Variants in SASH1 observed in about 807,000 individuals in gnomAD.
SASH1 encodes the protein SAM and SH3 domain-containing protein 1.
SASH1 carries 44 observed loss-of-function variants against 125.2 expected under a neutral mutation model. That is an observed-to-expected ratio of 0.35 (90% CI 0.28 to 0.45). SASH1 has a LOEUF of 0.45. Ranked by LOEUF, SASH1 falls within the 20% of genes least tolerant of loss-of-function variation. The probability of loss-of-function intolerance (pLI) is 1.00; values close to 1 mark genes in which losing one functional copy is unlikely to be tolerated. For missense variants in SASH1, 1,426 were observed against 1,614.5 expected, an observed-to-expected ratio of 0.88 and a Z score of 2.00; for synonymous variants, 639 against 649.1, an observed-to-expected ratio of 0.98 and a Z score of 0.24.
At chr6:148,310,971 G>T (rs969432014) in intron 1 of SASH1, among the ~76,000 whole-genome samples, 5 of 152,054 alleles carry the variant, frequency 3.3e-5, no homozygotes, top group Admixed American at 2.6e-4. Context: ...TTGAGCTAGG[G>T]TCTCATTATG....
At chr6:148,239,100 A>G in the SASH1 span, among the ~76,000 whole-genome samples, 5 of 152,130 alleles carry the variant, frequency 3.3e-5, no homozygotes, top group Non-Finnish European at 7.3e-5. Flanking sequence ...ACGGGACCTC[A>G]TTTTGAGGGG....
At chr6:148,518,502 A>G (rs1216473962) in intron 9 of SASH1, among the ~76,000 whole-genome samples, 1 of 152,170 alleles carries the variant, frequency 6.6e-6, no homozygotes, top group Non-Finnish European at 1.5e-5. Context: ...TGAACTGAGC[A>G]TAGCTCCCCT....
chr6:148,242,228 G>C, the SASH1 span, among the ~76,000 whole-genome samples: 1 of 152,174 alleles, frequency 6.6e-6, no homozygotes, highest in Non-Finnish European at 1.5e-5. Context: ...TAAGTAACAA[G>C]CTAAAATAAA....
Position 148,495,264 on chromosome 6 carries a change from G to A in SASH1, c.729+7549G>A, listed in dbSNP as rs1013285506. 1.3e-5 allele frequency among the ~76,000 whole-genome samples: 2 copies of A among 152,088 alleles called. No individual in the cohort carries two copies. The highest frequency in any genetic ancestry group is 4.8e-5 in the African/African-American group (2 of 41,414). ...AGTGTAATCCCTTTTTATAGAATATGGCGGAAGAACAGTGCACACACTCAT... is the reference window on the plus strand; with the variant it reads ...AGTGTAATCCCTTTTTATAGAATATAGCGGAAGAACAGTGCACACACTCAT... On this transcript the variant is annotated intron_variant, in intron 8 of 19. Transcript: ENST00000367467. The surrounding 1 kb of genome is among the most constrained non-coding windows in gnomAD (Gnocchi z 4.0).
chr6:148,325,347 G>T (rs1053650210), intron 1 of SASH1, among the ~76,000 whole-genome samples: 5 of 151,968 alleles, frequency 3.3e-5, no homozygotes, highest in African/African-American at 1.2e-4. Flanking sequence ...CGCGATTTTG[G>T]CTCACTGCAA....
At chr6:148,497,395 A>G (rs1032889302) in intron 8 of SASH1, among the ~76,000 whole-genome samples, 2 of 152,244 alleles carry the variant, frequency 1.3e-5, no homozygotes, top group African/African-American at 4.8e-5. Flanking sequence ...AAGTTACACA[A>G]GAAGGAAGCT....
chr6:148,455,938 G>A (rs888607622), intron 4 of SASH1, among the ~76,000 whole-genome samples: 5 of 151,932 alleles, frequency 3.3e-5, no homozygotes, highest in African/African-American at 1.2e-4. Flanking sequence ...GCTTCCCCTG[G>A]ACTCCCCTGC....
At position 148,531,571 on chromosome 6, in the gene SASH1, C is replaced by T. The variant is rs747859586; in HGVS notation, c.1474C>T (p.Pro492Ser). 1.9e-6 allele frequency: 3 copies of T among 1,569,764 alleles called. No homozygotes were observed. Among genetic ancestry groups the T allele is most frequent in the East Asian group, 4.8e-5 (2 of 41,450 alleles). The change falls in exon 13 of 20, where the codon CCC becomes TCC. Residue 492 changes from proline (P) to serine (S), a missense_variant. Physicochemically the swap from Pro to Ser is moderately conservative, Grantham distance 74 (BLOSUM62 -1). This residue lies in a region of SASH1 where 225 missense variants were observed against 344.5 expected (regional missense o/e 0.65). Coordinates refer to ENST00000367467, the MANE Select transcript of SASH1 (RefSeq NM_015278.5). ...GMPGSPPPSQ[P>S]DPEHLDKPKL... ...GCCTGGCTCCCCTCCGCCTTCACAG[C>T]CCGACCCCGAACACTTGGACAAGCC...
chr6:148,216,414 A>G, the SASH1 span, among the ~76,000 whole-genome samples: 5 of 152,204 alleles, frequency 3.3e-5, no homozygotes, highest in African/African-American at 1.2e-4. Context: ...GTAACTTTTT[A>G]TTATGATAAG....
At chr6:148,198,103 G>T in the SASH1 span, among the ~76,000 whole-genome samples, 1 of 152,182 alleles carries the variant, frequency 6.6e-6, no homozygotes, top group Non-Finnish European at 1.5e-5. Flanking sequence ...GCCCACCTCA[G>T]CCTCCCAAAG....
Position 148,487,660 on chromosome 6 carries a change from C to G in SASH1, c.674C>G (p.Pro225Arg), listed in dbSNP as rs1404722187. The change falls in exon 8 of 20, where the codon CCT (proline) becomes CGT (arginine). Residue 225 changes from proline to arginine, a missense_variant. Coordinates refer to ENST00000367467, the MANE Select transcript of SASH1 (RefSeq NM_015278.5). Reference protein sequence around the residue: ...AQHRQSAALDPADWPDGSYPT... With the variant: ...AQHRQSAALDRADWPDGSYPT... ...CACCGGCAGTCGGCTGCCCTGGACCCTGCTGACTGGCCAGATGGTTCTTAC... is the reference window on the plus strand; with the variant it reads ...CACCGGCAGTCGGCTGCCCTGGACCGTGCTGACTGGCCAGATGGTTCTTAC... The G allele has an allele frequency of 6.2e-7, 1 of 1,613,784 alleles. No individual in the cohort carries two copies. The highest frequency in any genetic ancestry group is 1.3e-5 in the African/African-American group (1 of 74,910).
intron 1 of SASH1, among the ~76,000 whole-genome samples, chr6:148,319,119 G>A (rs1436060665): frequency 2.4e-5 from 3 of 124,716 alleles, no homozygotes; most frequent in Admixed American, 1.0e-4. Flanking sequence ...TGCAAGCTCC[G>A]CCTCCCGAGT....
At chr6:148,298,711 AAGAAGGAAGGG>A (rs1779840576) in intron 1 of SASH1, among the ~76,000 whole-genome samples, 1 of 71,484 alleles carries the variant, frequency 1.4e-5, no homozygotes, top group African/African-American at 5.4e-5. Flanking sequence ...GGAAGGAAGG[AAGAAGGAAGGG>A]AAAGGAGGGA....
intron 1 of SASH1, among the ~76,000 whole-genome samples, chr6:148,378,353 C>A (rs1440175919): frequency 6.7e-6 from 1 of 148,318 alleles, no homozygotes; most frequent in East Asian, 2.0e-4. Context: ...TGAGCCCGGC[C>A]ACAATTTTTT....
chr6:148,438,010 T>A (rs2114996418), intron 2 of SASH1, among the ~76,000 whole-genome samples: 1 of 152,278 alleles, frequency 6.6e-6, no homozygotes, highest in Non-Finnish European at 1.5e-5. Flanking sequence ...ACTATTATGA[T>A]TACTAGTGAG....
At chr6:148,496,898 T>G (rs774945919) in intron 8 of SASH1, among the ~76,000 whole-genome samples, 5 of 151,852 alleles carry the variant, frequency 3.3e-5, no homozygotes, top group Non-Finnish European at 7.4e-5. Context: ...AAAAAGTAAA[T>G]TTTTTAAAAA....
At chr6:148,509,501 G>A (rs1283564464) in intron 8 of SASH1, among the ~76,000 whole-genome samples, 1 of 152,228 alleles carries the variant, frequency 6.6e-6, no homozygotes, top group Non-Finnish European at 1.5e-5. Flanking sequence ...TGCTTCTGCA[G>A]AGGGCACAGT....
chr6:148,219,791 G>A, the SASH1 span, among the ~76,000 whole-genome samples: 1,120 of 152,310 alleles, frequency 7.4e-3, 8 homozygotes, highest in African/African-American at 0.026. Flanking sequence ...GAAATGGACT[G>A]AGTTTAGACT....
chr6:148,483,463 C>T (rs953009818), intron 7 of SASH1, among the ~76,000 whole-genome samples: 6 of 152,144 alleles, frequency 3.9e-5, no homozygotes, highest in African/African-American at 1.4e-4. Context: ...CTATATATAG[C>T]ATTGTGCAAG....
Sources: allele counts gnomAD v4.1 joint callset (sites outside exome capture counted in the v4.1 genomes callset), GRCh38; gene constraint gnomAD v4.1.1; regional missense constraint gnomAD v4.1.1; non-coding constraint Gnocchi (gnomAD v3.1); transcripts MANE v1.5; gene names NCBI Gene and HGNC (gene_info 2026-07-23, HGNC 2026-07-21).